MSRB2: variants seen among roughly 807,000 people sequenced by gnomAD.
MSRB2 encodes the protein methionine-R-sulfoxide reductase B2, mitochondrial.
MSRB2 carries 17 observed loss-of-function variants against 19.0 expected under a neutral mutation model. The ratio of observed to expected loss-of-function variants is 0.89; its 90% CI spans 0.61 to 1.34. The LOEUF (loss-of-function observed/expected upper bound fraction) is 1.34, where lower values mean the gene tolerates loss of function less well. Among genes scored for constraint, MSRB2 ranks in the 40% most tolerant of loss-of-function variants. MSRB2 has a pLI of 0.00. For missense variants in MSRB2, 208 were observed against 237.6 expected (o/e 0.88, Z 0.82); for synonymous variants, 107 against 99.7 (o/e 1.07, Z -0.44).
chr10:23,100,199 A>G (rs1313260076), intron 1 of MSRB2, among the ~76,000 whole-genome samples: 2 of 152,198 alleles, frequency 1.3e-5, no homozygotes, highest in East Asian at 3.8e-4. Context: ...TTCCTTGACA[A>G]ATGTCAATGA....
At chr10:23,105,312 AT>A (rs1180618625) in intron 2 of MSRB2, among the ~76,000 whole-genome samples, 1 of 151,958 alleles carries the variant, frequency 6.6e-6, no homozygotes, top group African/African-American at 2.4e-5. Flanking sequence ...GAGTCAGGGT[AT>A]TTAGGGTGTC....
chr10:23,097,129 T>C (rs1257780598), intron 1 of MSRB2, among the ~76,000 whole-genome samples: 2 of 152,240 alleles, frequency 1.3e-5, no homozygotes, highest in African/African-American at 4.8e-5. Context: ...AAATGGAAAC[T>C]GGCTGTAACC....
intron 1 of MSRB2, among the ~76,000 whole-genome samples, chr10:23,102,558 G>A (rs1839936773): frequency 6.6e-6 from 1 of 152,196 alleles, no homozygotes; most frequent in Non-Finnish European, 1.5e-5. Flanking sequence ...TACTGGTGAT[G>A]TTGTGTCCTT....
intron 1 of MSRB2, among the ~76,000 whole-genome samples, chr10:23,101,972 T>C (rs2131622798): frequency 6.6e-6 from 1 of 152,322 alleles, no homozygotes; most frequent in South Asian, 2.1e-4. Flanking sequence ...TTCATGACCT[T>C]TACAGTTTTG....
chr10:23,120,501 C>T (rs775422615), intron 4 of MSRB2, among the ~76,000 whole-genome samples: 1 of 152,158 alleles, frequency 6.6e-6, no homozygotes, highest in Non-Finnish European at 1.5e-5. Flanking sequence ...TGATAATTAT[C>T]CCCATTTTTA....
chr10:23,108,985 G>A (rs970790920), intron 2 of MSRB2, among the ~76,000 whole-genome samples: 3 of 152,228 alleles, frequency 2.0e-5, no homozygotes, highest in Non-Finnish European at 2.9e-5. Flanking sequence ...CAAATGTGCT[G>A]TTAATACTAC....
rs15404 is a variant in MSRB2, at chr10:23,120,880, G to A, written c.*18G>A. On this transcript the variant is annotated 3_prime_UTR_variant, in exon 5 of 5. Transcript: ENST00000376510. Reference sequence around the variant, plus strand: ...AACACTGACCATCTTCAAGAGTCCCGTTCCCTTGCCACCCCTTCACGTGCA... The same window carrying A: ...AACACTGACCATCTTCAAGAGTCCCATTCCCTTGCCACCCCTTCACGTGCA... 21,325 of 1,588,486 alleles carry A rather than the reference G, an allele frequency of 0.013. 183 individuals are homozygous for A. The highest frequency in any genetic ancestry group is 0.015 in the Non-Finnish European group (17,407 of 1,158,608).
Position 23,119,533 on chromosome 10 carries a change from T to C in MSRB2, c.444+82T>C, listed in dbSNP as rs1840157989. 12 of 1,509,216 alleles carry C rather than the reference T, an allele frequency of 8.0e-6. No homozygotes were observed. In the South Asian group the frequency reaches 1.3e-4, roughly 16 times the overall value. 93.5% of individuals were successfully genotyped at this position (1,509,216 alleles called of 1,614,324 possible). ...GCTCTCTTGTTCTTGGCAAATCTGG[T>C]GTCCTTTTATAGGGGTACTTTCTTT... On this transcript the variant is annotated intron_variant, in intron 4 of 4. Transcript: ENST00000376510.
At chr10:23,105,012 G>A (rs74974784) in intron 2 of MSRB2, among the ~76,000 whole-genome samples, 1,969 of 152,254 alleles carry the variant, frequency 0.013, 48 homozygotes, top group African/African-American at 0.044. Context: ...GGCACCTAAC[G>A]TGGTGGCTGG....
rs1233433395 is a variant in MSRB2, at chr10:23,119,380, A to G, written c.373A>G (p.Ser125Gly). ...TCATGGTACGTCTGGCTCTGATGAA[A>G]GCCACACAGGGATCCTGAGACGTCT... Reference protein sequence around the residue: ...EAHGTSGSDESHTGILRRLDT... With the variant: ...EAHGTSGSDEGHTGILRRLDT... Residue 125 changes from serine (S) to glycine (G), a missense_variant, in exon 4 of 5, where the codon AGC (serine) becomes GGC (glycine). Coordinates refer to ENST00000376510, the MANE Select transcript of MSRB2 (RefSeq NM_012228.4). 1.9e-6 allele frequency: 3 copies of G among 1,614,012 alleles called. No individual in the cohort carries two copies. Among genetic ancestry groups the G allele is most frequent in the Non-Finnish European group, 2.5e-6 (3 of 1,180,010 alleles).
chr10:23,098,452 G>A lies in MSRB2; in HGVS notation c.118+2726G>A, dbSNP rs144397508. Among the ~76,000 whole-genome samples, 430 of 152,324 alleles carry A rather than the reference G, an allele frequency of 2.8e-3. 4 individuals carry two copies. The highest frequency in any genetic ancestry group is 0.01 in the African/African-American group (422 of 41,560). ...GAGAAGGGAACTCCAAGGAATTTGA[G>A]TTTATTAAGGCATAATTCAAAGTAA... On this transcript the variant is annotated intron_variant, in intron 1 of 4. Transcript: ENST00000376510.
At chr10:23,100,204 C>G (rs1382229180) in intron 1 of MSRB2, among the ~76,000 whole-genome samples, 1 of 152,180 alleles carries the variant, frequency 6.6e-6, no homozygotes, top group Non-Finnish European at 1.5e-5. Context: ...TGACAAATGT[C>G]AATGATAGCC....
intron 2 of MSRB2, 77 bp from the exon 3 acceptor site, chr10:23,110,165 C>A: frequency 8.8e-7 from 1 of 1,141,034 alleles, no homozygotes; most frequent in South Asian, 1.3e-5. Flanking sequence ...GGGACTTACC[C>A]AGGATTTAAA....
intron 1 of MSRB2, among the ~76,000 whole-genome samples, chr10:23,102,242 T>C (rs1352050842): frequency 6.6e-6 from 1 of 152,198 alleles, no homozygotes; most frequent in Non-Finnish European, 1.5e-5. Context: ...CATGACACTT[T>C]ACTGCTAAAT....
At chr10:23,102,450 T>C (rs1839935403) in intron 1 of MSRB2, among the ~76,000 whole-genome samples, 1 of 152,118 alleles carries the variant, frequency 6.6e-6, no homozygotes, top group Non-Finnish European at 1.5e-5. Flanking sequence ...TTGGTTTTAG[T>C]TGTGGACAGT....
chr10:23,111,848 TTTAA>T (rs1280807947), intron 3 of MSRB2, among the ~76,000 whole-genome samples: 1 of 133,492 alleles, frequency 7.5e-6, no homozygotes, highest in African/African-American at 3.0e-5. Context: ...TAAATTTAAT[TTTAA>T]TTAATTTAAA....
At position 23,095,637 on chromosome 10, in the gene MSRB2, G is replaced by A. The variant is rs750343526; in HGVS notation, c.29G>A (p.Gly10Asp). The change falls in exon 1 of 5, where the codon GGC becomes GAC. Residue 10 changes from glycine (G) to aspartate (D), a missense_variant. By Grantham distance (94) the Gly-to-Asp change is moderately conservative (BLOSUM62 -1). Transcript: ENST00000376510. MARLLWLLR[G>D]LTLGTAPRRA... ...GCGCGGCTCCTCTGGTTGCTCCGGGGCCTGACCCTCGGAACTGCGCCTCGG... is the reference window on the plus strand; with the variant it reads ...GCGCGGCTCCTCTGGTTGCTCCGGGACCTGACCCTCGGAACTGCGCCTCGG... The A allele has an allele frequency of 1.4e-6, 2 of 1,462,946 alleles. No homozygotes were observed. Among genetic ancestry groups the A allele is most frequent in the South Asian group, 1.3e-5 (1 of 76,394 alleles). The allele number at this position is 1,462,946 out of a possible 1,614,324, so 90.6% of individuals were successfully genotyped here.
chr10:23,107,427 T>C (rs1450643478), intron 2 of MSRB2, among the ~76,000 whole-genome samples: 1 of 152,254 alleles, frequency 6.6e-6, no homozygotes, highest in South Asian at 2.1e-4. Context: ...TACTCTTCCA[T>C]TTCCTCATTC....
chr10:23,117,411 C>T (rs1840123409), intron 3 of MSRB2, among the ~76,000 whole-genome samples: 1 of 152,154 alleles, frequency 6.6e-6, no homozygotes, highest in Non-Finnish European at 1.5e-5. Context: ...TATGAAGATT[C>T]AGTTGTCTTT....
Sources: gnomAD v4.1 joint callset for allele counts (sites outside exome capture counted in the v4.1 genomes callset) on GRCh38, gnomAD v4.1.1 for gene constraint, MANE v1.5 for transcripts, NCBI Gene and HGNC (gene_info 2026-07-23, HGNC 2026-07-21) for gene names.